The following LITAF variants were observed in gnomAD, a reference collection of about 807,000 sequenced individuals.
The protein encoded by LITAF is lipopolysaccharide-induced tumor necrosis factor-alpha factor.
Under a neutral mutation model 14.5 loss-of-function variants are expected in LITAF, and 9 were observed. The ratio of observed to expected loss-of-function variants is 0.62; its 90% CI spans 0.37 to 1.08. LITAF has a LOEUF of 1.08. LITAF is among the 50% of genes least tolerant of loss of function. The pLI is 0.01. For synonymous variants in LITAF, 98 were observed against 88.2 expected (o/e 1.11, Z -0.62); for missense variants, 206 against 213.4 (o/e 0.97, Z 0.22).
chr16:11,557,046 T>A (rs2064281940), intron 1 of LITAF, among the ~76,000 whole-genome samples: 1 of 149,900 alleles, frequency 6.7e-6, no homozygotes, highest in South Asian at 2.1e-4. Context: ...CTTCCATATC[T>A]GGTGTTTCTT....
Position 11,632,223 on chromosome 16 carries a change from G to A in LITAF, c.85+1310C>T, listed in dbSNP as rs572437226. On this transcript the variant is annotated intron_variant, in intron 3 of 3. Transcript: ENST00000574848. This position sits in a 1 kb window ranked among gnomAD's most constrained non-coding sequence, Gnocchi z 4.8. The stretch of plus-strand genomic sequence containing the variant: ...CTTCACAAGTGCTGGGAGTTACGTC[G>A]TGGACGTGTCTTTCGGGGAGGGGTC... 2.6e-5 allele frequency among the ~76,000 whole-genome samples: 4 copies of A among 152,228 alleles called. No individual in the cohort carries two copies. Among genetic ancestry groups the A allele is most frequent in the East Asian group, 3.9e-4 (2 of 5,180 alleles).
chr16:11,571,193 G>A (rs187546588), intron 1 of LITAF, among the ~76,000 whole-genome samples: 1 of 152,114 alleles, frequency 6.6e-6, no homozygotes, highest in African/African-American at 2.4e-5. Context: ...CCAGCCTTCT[G>A]AGTAGCTGGG....
Position 11,632,027 on chromosome 16 carries a change from C to T in LITAF, c.85+1506G>A, listed in dbSNP as rs570550384. The stretch of plus-strand genomic sequence containing the variant: ...GATTACAGGTGTGCGCCACCACGCC[C>T]GGCTAATTTTTTTGTCTTTTTAGTA... On this transcript the variant is annotated intron_variant, in intron 3 of 3. Coordinates refer to the LITAF transcript ENST00000574848. The surrounding 1 kb of genome is among the most constrained non-coding windows in gnomAD (Gnocchi z 4.8). 5.9e-5 allele frequency among the ~76,000 whole-genome samples: 9 copies of T among 152,020 alleles called. No individual in the cohort carries two copies. The highest frequency in any genetic ancestry group is 1.9e-4 in the East Asian group (1 of 5,156).
chr16:11,582,641 A>G (rs2064755775), intron 1 of LITAF, among the ~76,000 whole-genome samples: 1 of 152,228 alleles, frequency 6.6e-6, no homozygotes. Context: ...GAATAAAAAA[A>G]GGGATTCCTT....
At chr16:11,557,575 A>G (rs1342065418) in intron 1 of LITAF, among the ~76,000 whole-genome samples, 1 of 152,054 alleles carries the variant, frequency 6.6e-6, no homozygotes, top group Non-Finnish European at 1.5e-5. Flanking sequence ...TCAGCCTCCC[A>G]GGTAGCTGGG....
upstream of LITAF, among the ~76,000 whole-genome samples, chr16:11,638,701 C>CAAAA (rs57170972): frequency 2.8e-3 from 209 of 75,938 alleles, 7 homozygotes; most frequent in Non-Finnish European, 4.9e-3. Flanking sequence ...GACTCTGTCT[C>CAAAA]AAAAAAAAAA....
chr16:11,555,657 T>C (rs1316599574), intron 2 of LITAF, among the ~76,000 whole-genome samples: 1 of 98,800 alleles, frequency 1.0e-5, no homozygotes, highest in Non-Finnish European at 2.1e-5. Flanking sequence ...AGACCCTGTC[T>C]CAAAAAAAAA....
At position 11,550,463 on chromosome 16, in the gene LITAF, G is replaced by C. The variant is rs557490281; in HGVS notation, c.378-718C>G. ...TTAATATCTGTTGTTTTAAACACTA[G>C]GTGTGTTGTAATTTGTGATGACACC... On this transcript the variant is annotated intron_variant, in intron 3 of 3. Coordinates refer to ENST00000622633, the MANE Select transcript of LITAF (RefSeq NM_001136472.2). Among the ~76,000 whole-genome samples the C allele has an allele frequency of 2.4e-4, 36 of 152,264 alleles. 1 individual carries two copies. In the South Asian group the frequency reaches 7.5e-3, roughly 32 times the overall value.
Position 11,607,980 on chromosome 16 carries a change from G to A in LITAF, c.85+25553C>T, listed in dbSNP as rs139445818. ...CCCCTGTCCCAGCTCCCTGAAGGCA[G>A]GATCATTATGGTTTTACAACAGTAA... On this transcript the variant is annotated intron_variant, in intron 3 of 3. Coordinates refer to the LITAF transcript ENST00000574848. Among the ~76,000 whole-genome samples, 560 of 152,272 alleles carry A rather than the reference G, an allele frequency of 3.7e-3. 2 individuals carry two copies. The highest frequency in any genetic ancestry group is 0.013 in the African/African-American group (536 of 41,552).
At chr16:11,571,131 G>C in intron 1 of LITAF, among the ~76,000 whole-genome samples, 1 of 152,164 alleles carries the variant, frequency 6.6e-6, no homozygotes, top group South Asian at 2.1e-4. Flanking sequence ...GTAGTAGTGC[G>C]ATCTCAGCTC....
upstream of LITAF, among the ~76,000 whole-genome samples, chr16:11,638,054 CTATATATATATCTA>C (rs1252162687): frequency 1.7e-4 from 8 of 48,146 alleles, 3 homozygotes; most frequent in African/African-American, 1.2e-3. Context: ...ATATATATAT[CTATATATATATCTA>C]TATATATATC....
intron 1 of LITAF, among the ~76,000 whole-genome samples, chr16:11,560,981 T>G (rs958490018): frequency 6.6e-6 from 1 of 152,150 alleles, no homozygotes; most frequent in Non-Finnish European, 1.5e-5. Flanking sequence ...CGGGAACCCC[T>G]GACATCTGCT....
intron 3 of LITAF, among the ~76,000 whole-genome samples, chr16:11,607,083 A>G (rs898160589): frequency 1.3e-5 from 2 of 152,218 alleles, no homozygotes; most frequent in Non-Finnish European, 2.9e-5. Flanking sequence ...TCCTCACCCC[A>G]GGCAGTTTGG....
chr16:11,597,179 A>G (rs1324353041), intron 1 of LITAF, among the ~76,000 whole-genome samples: 2 of 152,074 alleles, frequency 1.3e-5, no homozygotes, highest in Non-Finnish European at 2.9e-5. Flanking sequence ...CCTGGAGTTT[A>G]TATTCTGGTT....
upstream of LITAF, among the ~76,000 whole-genome samples, chr16:11,638,578 G>A (rs1211976152): frequency 6.6e-6 from 1 of 151,782 alleles, no homozygotes; most frequent in Non-Finnish European, 1.5e-5. Context: ...GTGCATGTCT[G>A]TAATTCCAGC....
rs944368630 is a variant in LITAF at position 11,548,334 on chromosome 16, G to A, written c.*1303C>T. The A allele has an allele frequency of 6.6e-6, 3 of 453,910 alleles. No homozygotes were observed. Among genetic ancestry groups the A allele is most frequent in the Admixed American group, 4.7e-5 (2 of 42,542 alleles). 28.1% of individuals were successfully genotyped at this position (453,910 alleles called of 1,614,324 possible). On this transcript the variant is annotated 3_prime_UTR_variant, in exon 4 of 4. Transcript: ENST00000622633. ...TTGCTGCTTGAGTCCTAGAAATCATGTCTTCTCATGTTTTACAACAAGCTG... is the reference window on the plus strand; with the variant it reads ...TTGCTGCTTGAGTCCTAGAAATCATATCTTCTCATGTTTTACAACAAGCTG...
chr16:11,554,025 G>C (rs1415012881), intron 2 of LITAF, among the ~76,000 whole-genome samples: 1 of 152,102 alleles, frequency 6.6e-6, no homozygotes, highest in African/African-American at 2.4e-5. Flanking sequence ...GAGCCTAGGA[G>C]TTTGAGATCA....
intron 1 of LITAF, among the ~76,000 whole-genome samples, chr16:11,592,760 G>A (rs557805978): frequency 1.3e-5 from 2 of 152,284 alleles, no homozygotes; most frequent in South Asian, 4.1e-4. Flanking sequence ...TTGGGGTCGG[G>A]CACGGTGGCT....
chr16:11,558,665 T>C lies in LITAF; in HGVS notation c.-5-1930A>G, dbSNP rs1442629868. The stretch of plus-strand genomic sequence containing the variant: ...TGAGGCTGCAGTGAGCCATGATCAC[T>C]CCACTGCACTCCAGCCTGGGAAACA... On this transcript the variant is annotated intron_variant, in intron 1 of 3. Coordinates refer to ENST00000622633, the MANE Select transcript of LITAF (RefSeq NM_001136472.2). The surrounding 1 kb of genome is among the most constrained non-coding windows in gnomAD (Gnocchi z 4.1). 6.6e-6 allele frequency among the ~76,000 whole-genome samples: 1 copy of C among 151,676 alleles called. No homozygotes were observed. Among genetic ancestry groups the C allele is most frequent in the Non-Finnish European group, 1.5e-5 (1 of 67,886 alleles).
Sources: allele counts gnomAD v4.1 joint callset (sites outside exome capture counted in the v4.1 genomes callset), GRCh38; gene constraint gnomAD v4.1.1; non-coding constraint Gnocchi (gnomAD v3.1); transcripts MANE v1.5; gene names NCBI Gene and HGNC (gene_info 2026-07-23, HGNC 2026-07-21).